RCE1: variants seen among roughly 807,000 people sequenced by gnomAD.
The protein encoded by RCE1 is CAAX prenyl protease 2.
In RCE1, 15 loss-of-function variants were observed where a neutral mutation model predicts 35.0. The ratio of observed to expected loss-of-function variants is 0.43; its 90% CI spans 0.29 to 0.66. RCE1 has a LOEUF of 0.66. Among genes scored for constraint, RCE1 ranks in the 30% least tolerant of loss-of-function variants. RCE1 has a pLI of 0.17. For missense variants in RCE1, 434 were observed against 433.0 expected (o/e 1.00, Z -0.02); for synonymous variants, 261 against 192.7 (o/e 1.35, Z -2.94).
Position 66,843,828 on chromosome 11 carries a change from C to T in RCE1, c.255C>T (p.Cys85=), listed in dbSNP as rs150448965. The change falls in exon 2 of 8, where the codon TGC becomes TGT. Residue 85 remains cysteine, a synonymous_variant. Transcript: ENST00000309657. Reference sequence around the variant, plus strand: ...TGGTGTCCAGTCTCTCACCCCTGTGCGTGCTGCTCTGGAGGGAACTCACAG... The same window carrying T: ...TGGTGTCCAGTCTCTCACCCCTGTGTGTGCTGCTCTGGAGGGAACTCACAG... ...VLVVSSLSPL[C]VLLWRELTGI... 1.8e-4 allele frequency: 291 copies of T among 1,614,078 alleles called. No homozygotes were observed. Among genetic ancestry groups the T allele is most frequent in the Non-Finnish European group, 2.2e-4 (259 of 1,180,020 alleles).
chr11:66,845,546 C>T lies in RCE1; in HGVS notation c.738C>T (p.Phe246=), dbSNP rs761178118. Residue 246 remains phenylalanine, a synonymous_variant, in exon 7 of 8, where the codon TTC becomes TTT. Transcript: ENST00000309657. ...CTGTCTTCGGTGCCTACACTGCTTT[C>T]CTCTTCATCCGCACAGGTTGGTCCT... ...YTAVFGAYTA[F]LFIRTGHLIG... is the part of the protein sequence containing the mutation. 1.4e-5 allele frequency: 22 copies of T among 1,614,134 alleles called. 1 individual carries two copies. The South Asian group carries it at 2.3e-4, about 17-fold the overall frequency.
chr11:66,845,088 G>C (rs765958862), intron 5 of RCE1, 52 bp downstream of exon 5: 1 of 1,611,078 alleles, frequency 6.2e-7, no homozygotes, highest in Non-Finnish European at 8.5e-7. Context: ...GAGCTCAGAA[G>C]GGGGCTTGAG....
chr11:66,845,951 G>A lies in RCE1; in HGVS notation c.846G>A (p.Arg282=), dbSNP rs1438864936. 11 of 1,613,598 alleles carry A rather than the reference G, an allele frequency of 6.8e-6. No homozygotes were observed. The highest frequency in any genetic ancestry group is 9.3e-6 in the Non-Finnish European group (11 of 1,180,038). Residue 282 remains arginine, a synonymous_variant, in exon 8 of 8, where the codon CGG becomes CGA. Coordinates refer to ENST00000309657, the MANE Select transcript of RCE1 (RefSeq NM_005133.3). ...CGGCCTTGGAGCACCCACAGAGGCG[G>A]CCCCTGCTGGCAGGCTATGCCCTGG... The part of the protein sequence containing the change: ...VCAALEHPQR[R]PLLAGYALGV...
chr11:66,843,703 C>T, intron 1 of RCE1, 56 bp from the exon 2 acceptor site: 6 of 1,603,104 alleles, frequency 3.7e-6, no homozygotes, highest in Non-Finnish European at 4.3e-6. Context: ...GAGCCGGGGG[C>T]GGGTCCGTGC....
In RCE1 at chr11:66,843,822, C is replaced by T. The variant is rs371905349; in HGVS notation, c.249C>T (p.Pro83=). 11 of 1,613,978 alleles carry T rather than the reference C, an allele frequency of 6.8e-6. No homozygotes were observed. Among genetic ancestry groups the T allele is most frequent in the African/African-American group, 1.3e-5 (1 of 74,938 alleles). Residue 83 remains proline, a synonymous_variant, in exon 2 of 8, where the codon CCC becomes CCT. Transcript: ENST00000309657. ...TSVLVVSSLS[P]LCVLLWRELT... ...TCCTGGTGGTGTCCAGTCTCTCACC[C>T]CTGTGCGTGCTGCTCTGGAGGGAAC...
At position 66,844,876 on chromosome 11, in the gene RCE1, C is replaced by T. The variant is rs781004647; in HGVS notation, c.459C>T (p.Arg153=). 1.0e-5 allele frequency: 16 copies of T among 1,539,426 alleles called. No individual in the cohort carries two copies. The Admixed American group carries it at 1.2e-4, about 12-fold the overall frequency. Residue 153 remains arginine, a synonymous_variant, in exon 5 of 8, where the codon CGC becomes CGT. Coordinates refer to ENST00000309657, the MANE Select transcript of RCE1 (RefSeq NM_005133.3). The part of the protein sequence containing the change: ...ADGLKVVLAP[R]SWARCLTDMR... ...CCTGAATTCCCTCTGCAGCCCCCCGCTCCTGGGCCCGCTGCCTCACAGACA... is the reference window on the plus strand; with the variant it reads ...CCTGAATTCCCTCTGCAGCCCCCCGTTCCTGGGCCCGCTGCCTCACAGACA...
At position 66,843,487 on chromosome 11, in the gene RCE1, T is replaced by A; in HGVS notation, c.32T>A (p.Leu11Gln). 6.8e-7 allele frequency: 1 copy of A among 1,475,078 alleles called. No homozygotes were observed. The highest frequency in any genetic ancestry group is 8.9e-7 in the Non-Finnish European group (1 of 1,124,390). 91.4% of individuals were successfully genotyped at this position (1,475,078 alleles called of 1,614,324 possible). Reference sequence around the variant, plus strand: ...GCGCTGGGCGGGGATGGGCTGCGACTGCTGTCGGTGTCGCGGCCGGAGCGG... The same window carrying A: ...GCGCTGGGCGGGGATGGGCTGCGACAGCTGTCGGTGTCGCGGCCGGAGCGG... MAALGGDGLR[L>Q]LSVSRPERPP... Residue 11 changes from leucine to glutamine, a missense_variant, in exon 1 of 8, where the codon CTG becomes CAG. Transcript: ENST00000309657.
chr11:66,844,219 CAG>C lies in RCE1; in HGVS notation c.373-66_373-65del, dbSNP rs1029204408. 2.9e-5 allele frequency: 47 copies of C among 1,609,818 alleles called. 1 individual carries two copies. The East Asian group carries it at 4.9e-4, about 17-fold the overall frequency. On this transcript the variant is annotated intron_variant, in intron 3 of 7. Transcript: ENST00000309657. Reference sequence around the variant, plus strand: ...GGAGAGGATTTCAAGCTTGGAGTCTCAGGGAGCATGGGCAAAGGTCTGGGCAA... The same window carrying C: ...GGAGAGGATTTCAAGCTTGGAGTCTCGGAGCATGGGCAAAGGTCTGGGCAA...
chr11:66,846,088 G>A lies in RCE1; in HGVS notation c.983G>A (p.Cys328Tyr), dbSNP rs765177466. Residue 328 changes from cysteine (C) to tyrosine (Y), a missense_variant, in exon 8 of 8, where the codon TGC becomes TAC. Cys to Tyr is a radical substitution (Grantham distance 194). Coordinates refer to ENST00000309657, the MANE Select transcript of RCE1 (RefSeq NM_005133.3). ...GCAGGGGACTCAGAGGCTCCCCTGT[G>A]CTCCTGACCTATGCTCCTGGATACG... ...ERAGDSEAPLCS is the reference protein window; with the variant it reads ...ERAGDSEAPLYS The A allele has an allele frequency of 6.2e-7, 1 of 1,607,116 alleles. No homozygotes were observed. The highest frequency in any genetic ancestry group is 8.5e-7 in the Non-Finnish European group (1 of 1,177,614).
At chr11:66,845,275 A>T (rs1258462193) in intron 6 of RCE1, 38 bp downstream of exon 6, 4 of 1,613,810 alleles carry the variant, frequency 2.5e-6, no homozygotes, top group Non-Finnish European at 3.4e-6. Context: ...AGGGTGTATG[A>T]TGATGTCGCT....
At position 66,844,437 on chromosome 11, in the gene RCE1, C is replaced by T. The variant is rs1945163046; in HGVS notation, c.451+73C>T. 3 of 1,573,946 alleles carry T rather than the reference C, an allele frequency of 1.9e-6. No homozygotes were observed. The South Asian group carries it at 3.3e-5, about 17-fold the overall frequency. The stretch of plus-strand genomic sequence containing the variant: ...CATTGGGGCAGGGAGTCAGCGGGCT[C>T]AGGGTGTGATCTGGACACGTGAAAT... On this transcript the variant is annotated intron_variant, in intron 4 of 7. Coordinates refer to ENST00000309657, the MANE Select transcript of RCE1 (RefSeq NM_005133.3).
chr11:66,846,116 A>T lies in RCE1; in HGVS notation c.*21A>T, dbSNP rs746428610. The T allele has an allele frequency of 1.3e-6, 2 of 1,571,898 alleles. No individual in the cohort carries two copies. Among genetic ancestry groups the T allele is most frequent in the Admixed American group, 3.5e-5 (2 of 56,996 alleles). On this transcript the variant is annotated 3_prime_UTR_variant, in exon 8 of 8. Transcript: ENST00000309657. ...CCTGACCTATGCTCCTGGATACGCTATGAACTCTCACCGGCTCCCCAGCCC... is the reference window on the plus strand; with the variant it reads ...CCTGACCTATGCTCCTGGATACGCTTTGAACTCTCACCGGCTCCCCAGCCC...
At chr11:66,845,058 C>G (rs1006049383) in intron 5 of RCE1, 22 bp downstream of exon 5, 16 of 1,605,460 alleles carry the variant, frequency 1.0e-5, no homozygotes, top group Non-Finnish European at 1.2e-5. Context: ...CAGATTAGTC[C>G]TGGTGTGTTT....
In RCE1 at chr11:66,843,471, G is replaced by A; in HGVS notation, c.16G>A (p.Gly6Arg). The change falls in exon 1 of 8, where the codon GGG becomes AGG. Residue 6 changes from glycine to arginine, a missense_variant. By Grantham distance (125) the Gly-to-Arg change is moderately radical. Coordinates refer to ENST00000309657, the MANE Select transcript of RCE1 (RefSeq NM_005133.3). MAALG[G>R]DGLRLLSVSR... Reference sequence around the variant, plus strand: ...TCAGGGCGCAATGGCGGCGCTGGGCGGGGATGGGCTGCGACTGCTGTCGGT... The same window carrying A: ...TCAGGGCGCAATGGCGGCGCTGGGCAGGGATGGGCTGCGACTGCTGTCGGT... The A allele has an allele frequency of 7.0e-7, 1 of 1,427,400 alleles. No individual in the cohort carries two copies. Among genetic ancestry groups the A allele is most frequent in the Non-Finnish European group, 9.1e-7 (1 of 1,104,510 alleles). 88.4% of individuals were successfully genotyped at this position (1,427,400 alleles called of 1,614,324 possible).
rs1294042844 is a variant in RCE1, at chr11:66,843,945, C to T, written c.289-11C>T. 1 of 1,614,022 alleles carries T rather than the reference C, an allele frequency of 6.2e-7. No homozygotes were observed. Among genetic ancestry groups the T allele is most frequent in the Non-Finnish European group, 8.5e-7 (1 of 1,180,042 alleles). On this transcript the variant is annotated splice_polypyrimidine_tract_variant and intron_variant, in intron 2 of 7. Coordinates refer to ENST00000309657, the MANE Select transcript of RCE1 (RefSeq NM_005133.3). ...GGAAGCAAAACTGATGCCCCCTTTC[C>T]TGTGGCTCAGCCAGGCACATCCCTG...
chr11:66,845,801 C>G (rs565888047), intron 7 of RCE1, 59 bp from the exon 8 acceptor site: 21 of 1,573,774 alleles, frequency 1.3e-5, no homozygotes, highest in Non-Finnish European at 1.7e-5. Context: ...GTCACTAGCC[C>G]TGGAAGGGCC....
At chr11:66,845,322 C>A in intron 6 of RCE1, 85 bp downstream of exon 6, 1 of 1,601,502 alleles carries the variant, frequency 6.2e-7, no homozygotes, top group Non-Finnish European at 8.5e-7. Context: ...GAACTGAGGG[C>A]CACAGTATTG....
At chr11:66,845,835 C>G (rs1945199968) in intron 7 of RCE1, 25 bp from the exon 8 acceptor site, 1 of 1,606,668 alleles carries the variant, frequency 6.2e-7, no homozygotes, top group African/African-American at 1.3e-5. Flanking sequence ...GGGCTGCTCC[C>G]TGAGCTGCTG....
chr11:66,845,861 A>G lies in RCE1; in HGVS notation c.756A>G (p.Gly252=). The change falls in exon 8 of 8, where the codon GGA becomes GGG. Residue 252 remains glycine (G), a splice_region_variant and synonymous_variant. Transcript: ENST00000309657. ...TGAGCTGCTGTCTCTTTTCCCCAGGACACCTGATTGGGCCGGTTCTCTGCC... is the reference window on the plus strand; with the variant it reads ...TGAGCTGCTGTCTCTTTTCCCCAGGGCACCTGATTGGGCCGGTTCTCTGCC... ...AYTAFLFIRT[G]HLIGPVLCHS... 1 of 1,612,752 alleles carries G rather than the reference A, an allele frequency of 6.2e-7. No homozygotes were observed. Among genetic ancestry groups the G allele is most frequent in the Non-Finnish European group, 8.5e-7 (1 of 1,179,716 alleles).
Sources: allele counts gnomAD v4.1 joint callset, GRCh38; gene constraint gnomAD v4.1.1; transcripts MANE v1.5; gene names NCBI Gene and HGNC (gene_info 2026-07-23, HGNC 2026-07-21).